COL24A1: variants seen among roughly 807,000 people sequenced by gnomAD.
COL24A1 encodes collagen type XXIV alpha 1 chain.
COL24A1 carries 224 observed loss-of-function variants against 253.9 expected under a neutral mutation model. The ratio of observed to expected loss-of-function variants is 0.88; its 90% confidence interval spans 0.79 to 0.99. The LOEUF is 0.99. COL24A1 is among the 50% of genes least tolerant of loss of function. The pLI, the probability that COL24A1 is intolerant of heterozygous loss-of-function variation, is 0.00. For missense variants in COL24A1, 2,131 were observed against 2,068.5 expected, an observed-to-expected ratio of 1.03 and a Z score of -0.59; for synonymous variants, 685 against 673.7, an observed-to-expected ratio of 1.02 and a Z score of -0.26.
chr1:85,875,802 C>T (rs1681096743), intron 33 of COL24A1, among the ~76,000 whole-genome samples: 1 of 149,648 alleles, frequency 6.7e-6, no homozygotes, highest in Admixed American at 6.7e-5. Flanking sequence ...ATGGTGGGTC[C>T]ATTTTTGTTG....
rs532183643 is a variant in COL24A1 at position 85,797,766 on chromosome 1, G to C, written c.3952-11305C>G. On this transcript the variant is annotated intron_variant, in intron 47 of 59. Coordinates refer to ENST00000370571, the MANE Select transcript of COL24A1 (RefSeq NM_152890.7). ...CACATCAGCACCTGGAACAGTGCCTGGGATACAGTAAGCGTTTAATAACTG... is the reference window on the plus strand; with the variant it reads ...CACATCAGCACCTGGAACAGTGCCTCGGATACAGTAAGCGTTTAATAACTG... Among the ~76,000 whole-genome samples, 34 of 152,294 alleles carry C rather than the reference G, an allele frequency of 2.2e-4. 1 individual carries two copies. The South Asian group carries it at 5.2e-3, about 23-fold the overall frequency.
chr1:85,983,401 C>T (rs1278359861), intron 20 of COL24A1, among the ~76,000 whole-genome samples: 3 of 151,936 alleles, frequency 2.0e-5, no homozygotes, highest in African/African-American at 4.8e-5. Context: ...TACAAATCCA[C>T]AATCAGTAGA....
At chr1:86,068,315 G>A (rs1701638175) in intron 7 of COL24A1, among the ~76,000 whole-genome samples, 1 of 152,216 alleles carries the variant, frequency 6.6e-6, no homozygotes, top group Non-Finnish European at 1.5e-5. Flanking sequence ...TCCCCTGGCA[G>A]CAGCCCTGCA....
chr1:85,861,636 G>A (rs546819579), intron 37 of COL24A1, among the ~76,000 whole-genome samples: 1 of 152,194 alleles, frequency 6.6e-6, no homozygotes, highest in South Asian at 2.1e-4. Flanking sequence ...GCACTATTTG[G>A]TGAAAAGACC....
intron 45 of COL24A1, among the ~76,000 whole-genome samples, chr1:85,820,900 T>C (rs1223723712): frequency 6.6e-6 from 1 of 152,248 alleles, no homozygotes; most frequent in Non-Finnish European, 1.5e-5. Flanking sequence ...TTTTTTAATA[T>C]GCAACGTTAA....
At position 85,744,772 on chromosome 1, in the gene COL24A1, GT is replaced by G; in HGVS notation, c.4565del (p.Asn1522ThrfsTer71). 1 of 1,610,186 alleles carries G rather than the reference GT, an allele frequency of 6.2e-7. No homozygotes were observed. The highest frequency in any genetic ancestry group is 8.5e-7 in the Non-Finnish European group (1 of 1,178,754). On this transcript the variant is annotated frameshift_variant, in exon 57 of 60. Transcript: ENST00000370571. LOFTEE classifies it high-confidence loss of function. The stretch of plus-strand genomic sequence containing the variant: ...TGCTGTGCAATAAATTGCTAAGGTA[GT>G]TCAGGGTTTTGAATATCTCTTCACT... ...DHSEEIFKTL[N>X]YLSNLLHSIK... is the part of the protein sequence containing the mutation.
chr1:86,112,044 T>G (rs993710774), intron 5 of COL24A1, among the ~76,000 whole-genome samples: 2 of 152,200 alleles, frequency 1.3e-5, no homozygotes, highest in Non-Finnish European at 2.9e-5. Flanking sequence ...AACCCACCAA[T>G]TCCGGACACA....
At chr1:85,832,412 C>CT (rs948211319) in intron 43 of COL24A1, among the ~76,000 whole-genome samples, 5 of 151,890 alleles carry the variant, frequency 3.3e-5, no homozygotes, top group Non-Finnish European at 7.4e-5. Flanking sequence ...AATGTGGGCT[C>CT]TTTTTTGGTT....
chr1:85,797,432 G>A (rs1307606344), intron 47 of COL24A1, among the ~76,000 whole-genome samples: 3 of 152,020 alleles, frequency 2.0e-5, no homozygotes, highest in African/African-American at 7.3e-5. Flanking sequence ...GTTCAGTTAA[G>A]TCCTAAAAGA....
chr1:85,904,368 A>G (rs1684606309), intron 28 of COL24A1, among the ~76,000 whole-genome samples: 2 of 152,088 alleles, frequency 1.3e-5, no homozygotes. Flanking sequence ...ATGGAGTAAT[A>G]CCAAGGGATC....
intron 14 of COL24A1, among the ~76,000 whole-genome samples, chr1:86,031,636 T>C (rs147141635): frequency 5.9e-5 from 9 of 152,236 alleles, no homozygotes; most frequent in South Asian, 4.2e-4. Context: ...TACAAATACA[T>C]ACATATAGGT....
chr1:86,061,070 A>G (rs1701053558), intron 8 of COL24A1, among the ~76,000 whole-genome samples: 1 of 152,054 alleles, frequency 6.6e-6, no homozygotes, highest in African/African-American at 2.4e-5. Context: ...TGTTTATGTC[A>G]CCAATGGGAG....
At chr1:86,019,605 A>G (rs1419225374) in intron 18 of COL24A1, among the ~76,000 whole-genome samples, 1 of 152,098 alleles carries the variant, frequency 6.6e-6, no homozygotes, top group African/African-American at 2.4e-5. Context: ...ACAAGTAATA[A>G]ATACAACAAG....
intron 52 of COL24A1, among the ~76,000 whole-genome samples, chr1:85,776,228 T>G (rs1668528001): frequency 6.6e-6 from 1 of 152,176 alleles, no homozygotes; most frequent in African/African-American, 2.4e-5. Flanking sequence ...GATTTAATTT[T>G]CAAGTGTTTG....
intron 24 of COL24A1, 143 bp downstream of exon 24, chr1:85,961,099 GCAGAAAC>G: frequency 1.6e-6 from 1 of 633,960 alleles, no homozygotes; most frequent in Non-Finnish European, 2.8e-6. Context: ...TTATTTGCCA[GCAGAAAC>G]ATCACAAGTA....
chr1:85,812,370 AT>A (rs1387770148), intron 47 of COL24A1, among the ~76,000 whole-genome samples: 3 of 152,136 alleles, frequency 2.0e-5, no homozygotes, highest in Admixed American at 6.5e-5. Flanking sequence ...CTCAGGCCTG[AT>A]TTTTGGATAG....
chr1:85,995,994 G>T (rs906506603), intron 19 of COL24A1, among the ~76,000 whole-genome samples: 1 of 152,058 alleles, frequency 6.6e-6, no homozygotes, highest in African/African-American at 2.4e-5. Flanking sequence ...TCAGTCTCAG[G>T]TATTTCTTTA....
intron 47 of COL24A1, among the ~76,000 whole-genome samples, chr1:85,809,748 G>GAT (rs774837020): frequency 7.8e-4 from 114 of 146,720 alleles, no homozygotes; most frequent in South Asian, 8.6e-4. Flanking sequence ...TTATTATGGA[G>GAT]ATATATATAT....
intron 24 of COL24A1, among the ~76,000 whole-genome samples, chr1:85,958,929 T>C (rs1336441403): frequency 6.6e-6 from 1 of 152,084 alleles, no homozygotes; most frequent in Non-Finnish European, 1.5e-5. Context: ...ACATGAAATA[T>C]AGGTGGGACT....
Sources: allele counts gnomAD v4.1 joint callset (sites outside exome capture counted in the v4.1 genomes callset), GRCh38; gene constraint gnomAD v4.1.1; transcripts MANE v1.5; gene names NCBI Gene and HGNC (gene_info 2026-07-23, HGNC 2026-07-21).